DELE1: variants seen among roughly 807,000 people sequenced by gnomAD.
DELE1 encodes death ligand signal enhancer.
DELE1 carries 54 observed loss-of-function variants against 59.3 expected under a neutral mutation model. The ratio of observed to expected loss-of-function variants is 0.91; its 90% CI spans 0.73 to 1.14. The LOEUF is 1.14. Ranked by LOEUF, DELE1 falls within the 50% of genes most tolerant of loss-of-function variation. The pLI is 0.00. For synonymous variants in DELE1, 264 were observed against 259.1 expected, an observed-to-expected ratio of 1.02 and a Z score of -0.18; for missense variants, 636 against 643.9, an observed-to-expected ratio of 0.99 and a Z score of 0.13.
At chr5:141,931,253 T>C (rs1261383059) in intron 7 of DELE1, 1 of 152,102 alleles carries the variant, frequency 6.6e-6, no homozygotes, top group African/African-American at 2.4e-5. Flanking sequence ...CAGGATTGGA[T>C]TTTGATTGCT....
chr5:141,927,887 A>G (rs896466326), intron 3 of DELE1, among the ~76,000 whole-genome samples: 2 of 152,208 alleles, frequency 1.3e-5, no homozygotes, highest in African/African-American at 4.8e-5. Flanking sequence ...CCAGAGATAC[A>G]TTGGTGAGTA....
In DELE1 at chr5:141,937,280, G is replaced by A. The variant is rs1035298474; in HGVS notation, c.1232G>A (p.Cys411Tyr). 6.2e-6 allele frequency: 10 copies of A among 1,614,104 alleles called. No homozygotes were observed. The Admixed American group carries it at 1.3e-4, about 22-fold the overall frequency. ...AGGAATCTGGGAGAGGCCTTGAGAT[G>A]TTACCAGCAGTCAGCCGCTCTGGGA... ...VQRNLGEALR[C>Y]YQQSAALGNE... is the part of the protein sequence containing the mutation. Residue 411 changes from cysteine to tyrosine, a missense_variant, in exon 11 of 12, where the codon TGT becomes TAT. Physicochemically the swap from Cys to Tyr is radical, Grantham distance 194. Transcript: ENST00000432126.
In DELE1 at chr5:141,941,895, G is replaced by C; in HGVS notation, c.*3136G>C. 1.0e-6 allele frequency: 1 copy of C among 985,296 alleles called. No individual in the cohort carries two copies. The highest frequency in any genetic ancestry group is 1.2e-6 in the Non-Finnish European group (1 of 829,906). 61.0% of individuals were successfully genotyped at this position (985,296 alleles called of 1,614,324 possible). ...ACATAGTAGGTACTTTAAGTAATTTGAATGAATAATTTTAAATAACTTGAA... is the reference window on the plus strand; with the variant it reads ...ACATAGTAGGTACTTTAAGTAATTTCAATGAATAATTTTAAATAACTTGAA... On this transcript the variant is annotated 3_prime_UTR_variant, in exon 12 of 12. Transcript: ENST00000432126.
Position 141,934,551 on chromosome 5 carries a change from G to T in DELE1, c.1114G>T (p.Ala372Ser), listed in dbSNP as rs752024756. 11 of 1,614,262 alleles carry T rather than the reference G, an allele frequency of 6.8e-6. No individual in the cohort carries two copies. The South Asian group carries it at 8.8e-5, about 13-fold the overall frequency. The change falls in exon 10 of 12, where the codon GCT becomes TCT. Residue 372 changes from alanine (A) to serine (S), a missense_variant. By Grantham distance (99) the Ala-to-Ser change is moderately conservative (BLOSUM62 1). Transcript: ENST00000432126. ...GGAGCCCTACCTGGATGAGCAGAGAGCTGTGAAATATCTTTGGCTTGCAGC... is the reference window on the plus strand; with the variant it reads ...GGAGCCCTACCTGGATGAGCAGAGATCTGTGAAATATCTTTGGCTTGCAGC... Reference protein sequence around the residue: ...TKEPYLDEQRAVKYLWLAANN... With the variant: ...TKEPYLDEQRSVKYLWLAANN...
At chr5:141,934,658 G>GAAGAACTCAGTACC in intron 10 of DELE1, 72 bp downstream of exon 10, 1 of 1,391,618 alleles carries the variant, frequency 7.2e-7, no homozygotes, top group Non-Finnish European at 1.0e-6. Flanking sequence ...AACTGGTACT[G>GAAGAACTCAGTACC]AGTTCTTCTG....
In DELE1 at chr5:141,938,551, G is replaced by T; in HGVS notation, c.1340G>T (p.Gly447Val). 1 of 1,614,088 alleles carries T rather than the reference G, an allele frequency of 6.2e-7. No homozygotes were observed. ...GGGCCCAGCGACCTGACAGTTACAG[G>T]ACTGAAGTCTTTCTCCAGCCCCTCC... ...APGPSDLTVTGLKSFSSPSLC... is the reference protein window; with the variant it reads ...APGPSDLTVTVLKSFSSPSLC... The change falls in exon 12 of 12, where the codon GGA becomes GTA. Residue 447 changes from glycine (G) to valine (V), a missense_variant. Coordinates refer to ENST00000432126, the MANE Select transcript of DELE1 (RefSeq NM_014773.5).
chr5:141,928,169 G>T lies in DELE1; in HGVS notation c.283G>T (p.Ala95Ser). 1 of 1,613,974 alleles carries T rather than the reference G, an allele frequency of 6.2e-7. No homozygotes were observed. The highest frequency in any genetic ancestry group is 8.5e-7 in the Non-Finnish European group (1 of 1,179,878). ...TTCCCAGGGCACTCTGGCCGTGCTG[G>T]CCCTGCAGCTGGCAAGGCAGATCCA... ...AISWGTLAVL[A>S]LQLARQIHFQ... The change falls in exon 4 of 12, where the codon GCC becomes TCC. Residue 95 changes from alanine to serine, a missense_variant. Coordinates refer to ENST00000432126, the MANE Select transcript of DELE1 (RefSeq NM_014773.5).
chr5:141,934,978 T>C (rs1453827581), intron 10 of DELE1: 1 of 205,760 alleles, frequency 4.9e-6, no homozygotes, highest in Non-Finnish European at 9.9e-6. Context: ...ATAATAATGC[T>C]TGCCTTACCT....
chr5:141,937,107 G>A (rs1752420718), intron 10 of DELE1, 91 bp from the exon 11 acceptor site: 1 of 1,574,296 alleles, frequency 6.4e-7, no homozygotes, highest in South Asian at 1.2e-5. Context: ...TGAAGTCCCA[G>A]CATGCCTGAC....
rs1752717867 is a variant in DELE1, at chr5:141,941,198, G to C, written c.*2439G>C. 1.0e-6 allele frequency: 1 copy of C among 985,350 alleles called. No homozygotes were observed. The highest frequency in any genetic ancestry group is 1.2e-6 in the Non-Finnish European group (1 of 829,978). 61.0% of individuals were successfully genotyped at this position (985,350 alleles called of 1,614,324 possible). On this transcript the variant is annotated 3_prime_UTR_variant, in exon 12 of 12. Coordinates refer to ENST00000432126, the MANE Select transcript of DELE1 (RefSeq NM_014773.5). ...TAGCCATAGCTGGGGCCGAGGGCTG[G>C]TTCACAGTCTGGCCACTGGGCGTCC...
Position 141,934,582 on chromosome 5 carries a change from A to C in DELE1, c.1145A>C (p.Asn382Thr). 1 of 1,614,058 alleles carries C rather than the reference A, an allele frequency of 6.2e-7. No homozygotes were observed. Reference sequence around the variant, plus strand: ...AAATATCTTTGGCTTGCAGCCAACAATGGGGTATGCGATCTCAGTGGACAA... The same window carrying C: ...AAATATCTTTGGCTTGCAGCCAACACTGGGGTATGCGATCTCAGTGGACAA... ...AVKYLWLAAN[N>T]GDSQSRYHLG... Residue 382 changes from asparagine to threonine, a missense_variant, in exon 10 of 12, where the codon AAT becomes ACT. By Grantham distance (65) the Asn-to-Thr change is moderately conservative. Coordinates refer to ENST00000432126, the MANE Select transcript of DELE1 (RefSeq NM_014773.5).
Position 141,941,451 on chromosome 5 carries a change from T to G in DELE1, c.*2692T>G. 1.0e-6 allele frequency: 1 copy of G among 985,484 alleles called. No homozygotes were observed. 61.0% of individuals were successfully genotyped at this position (985,484 alleles called of 1,614,324 possible). A position where few individuals can be genotyped will look rare whatever the true frequency, so the allele number is the denominator to read the frequency against. Reference sequence around the variant, plus strand: ...ATCCTTGGCTGTTCAGTCACTGCGGTCTTGATCCAGCCCCAGGGGGATGGG... The same window carrying G: ...ATCCTTGGCTGTTCAGTCACTGCGGGCTTGATCCAGCCCCAGGGGGATGGG... On this transcript the variant is annotated 3_prime_UTR_variant, in exon 12 of 12. Transcript: ENST00000432126.
intron 7 of DELE1, among the ~76,000 whole-genome samples, chr5:141,932,519 G>A (rs1359244479): frequency 2.0e-5 from 3 of 152,206 alleles, no homozygotes; most frequent in African/African-American, 7.2e-5. Flanking sequence ...AAGCTTCAGA[G>A]ACCTAAGAGG....
chr5:141,928,733 A>G (rs1596596152), intron 4 of DELE1, among the ~76,000 whole-genome samples: 2 of 152,202 alleles, frequency 1.3e-5, no homozygotes, highest in Non-Finnish European at 2.9e-5. Flanking sequence ...AAATTGCTGC[A>G]TACTAGTCTT....
In DELE1 at chr5:141,923,915, C is replaced by T; in HGVS notation, c.-27C>T. 8.1e-6 allele frequency: 13 copies of T among 1,596,216 alleles called. No homozygotes were observed. Among genetic ancestry groups the T allele is most frequent in the Admixed American group, 1.8e-5 (1 of 57,092 alleles). Reference sequence around the variant, plus strand: ...AGGGTTGGTCTCGCGCTTTCGGCTGCGAGCTCTCTGTGGTGCTGGCAGCGA... The same window carrying T: ...AGGGTTGGTCTCGCGCTTTCGGCTGTGAGCTCTCTGTGGTGCTGGCAGCGA... On this transcript the variant is annotated 5_prime_UTR_variant, in exon 1 of 12. Coordinates refer to ENST00000432126, the MANE Select transcript of DELE1 (RefSeq NM_014773.5).
intron 1 of DELE1, 110 bp downstream of exon 1, chr5:141,924,082 G>A: frequency 7.1e-7 from 1 of 1,406,888 alleles, no homozygotes; most frequent in Admixed American, 2.0e-5. Flanking sequence ...TTAGAGCCAA[G>A]GAAGGCGGGG....
At position 141,924,607 on chromosome 5, in the gene DELE1, C is replaced by T; in HGVS notation, c.58C>T (p.Leu20Phe). The change falls in exon 2 of 12, where the codon CTC (leucine) becomes TTC (phenylalanine). Residue 20 changes from leucine (L) to phenylalanine (F), a missense_variant. Leu to Phe is a conservative substitution (Grantham distance 22). Transcript: ENST00000432126. The part of the protein sequence containing the change: ...RALPRTLGPS[L>F]WRVTPKSTSP... ...TCTTCCCCGTACACTGGGACCTAGC[C>T]TCTGGAGGGTGACTCCTAAGTCCAC... The T allele has an allele frequency of 6.2e-7, 1 of 1,613,720 alleles. No homozygotes were observed. Among genetic ancestry groups the T allele is most frequent in the South Asian group, 1.1e-5 (1 of 91,082 alleles).
In DELE1 at chr5:141,939,382, G is replaced by T. The variant is rs1752606239; in HGVS notation, c.*623G>T. 1.0e-6 allele frequency: 1 copy of T among 982,178 alleles called. No homozygotes were observed. The highest frequency in any genetic ancestry group is 1.2e-6 in the Non-Finnish European group (1 of 826,632). 60.8% of individuals were successfully genotyped at this position (982,178 alleles called of 1,614,324 possible). On this transcript the variant is annotated 3_prime_UTR_variant, in exon 12 of 12. Transcript: ENST00000432126. Reference sequence around the variant, plus strand: ...AGAGGTAGCAAAAATCACAGGGGTGGTTCCATGAATGGCTGACACTTAGGA... The same window carrying T: ...AGAGGTAGCAAAAATCACAGGGGTGTTTCCATGAATGGCTGACACTTAGGA...
At chr5:141,933,773 A>G (rs1752130024) in intron 8 of DELE1, 1 of 159,100 alleles carries the variant, frequency 6.3e-6, no homozygotes, top group Non-Finnish European at 1.4e-5. Context: ...CTTCAATGGA[A>G]AACTGGTTAA....
Sources: gnomAD v4.1 joint callset for allele counts (sites outside exome capture counted in the v4.1 genomes callset) on GRCh38, gnomAD v4.1.1 for gene constraint, MANE v1.5 for transcripts, NCBI Gene and HGNC (gene_info 2026-07-23, HGNC 2026-07-21) for gene names.